UBE2K: variants seen among roughly 807,000 people sequenced by gnomAD.
The protein encoded by UBE2K is ubiquitin conjugating enzyme E2 K, also known as ubiquitin-conjugating enzyme E2 K.
A neutral mutation model predicts 30.0 loss-of-function variants in UBE2K; 6 were observed. The observed-to-expected ratio is 0.20, with a 90% CI of 0.11 to 0.39. The LOEUF (loss-of-function observed/expected upper bound fraction) is 0.39, where lower values mean the gene tolerates loss of function less well. Ranked by LOEUF, UBE2K falls within the 10% of genes least tolerant of loss-of-function variation. The pLI is 1.00. For synonymous variants in UBE2K, 86 were observed against 83.7 expected (o/e 1.03, Z -0.15); for missense variants, 61 against 241.6 (o/e 0.25, Z 4.96).
chr4:39,771,384 A>G (rs1712819845), intron 4 of UBE2K: 1 of 1,612,434 alleles, frequency 6.2e-7, no homozygotes, highest in South Asian at 1.1e-5. Flanking sequence ...TCCGTAGCGT[A>G]GCGGCCTAGT....
intron 1 of UBE2K, among the ~76,000 whole-genome samples, chr4:39,731,655 C>G (rs1031774141): frequency 6.7e-6 from 1 of 150,290 alleles, no homozygotes; most frequent in African/African-American, 2.5e-5. Context: ...GACTCCATCT[C>G]AAAAAAATAA....
chr4:39,711,993 AT>A (rs1056418642), intron 1 of UBE2K, among the ~76,000 whole-genome samples: 2 of 151,332 alleles, frequency 1.3e-5, no homozygotes, highest in African/African-American at 4.9e-5. Context: ...TTAAGCCGAG[AT>A]TGCGCCATTG....
intron 4 of UBE2K, among the ~76,000 whole-genome samples, chr4:39,773,308 A>G (rs999274889): frequency 9.9e-5 from 15 of 151,402 alleles, no homozygotes; most frequent in Non-Finnish European, 2.2e-4. Context: ...TTCTACTAAA[A>G]CTACAAAAAA....
chr4:39,749,555 T>TGTA (rs1272026511), intron 3 of UBE2K, among the ~76,000 whole-genome samples: 1 of 152,146 alleles, frequency 6.6e-6, no homozygotes, highest in African/African-American at 2.4e-5. Context: ...GGCATGCGCC[T>TGTA]GTAGTCTCAG....
At chr4:39,703,438 A>G (rs958200072) in intron 1 of UBE2K, among the ~76,000 whole-genome samples, 1 of 152,072 alleles carries the variant, frequency 6.6e-6, no homozygotes, top group Non-Finnish European at 1.5e-5. Context: ...GCTTGAGCCC[A>G]TGAGGTCAAG....
At chr4:39,708,199 C>T (rs987039051) in intron 1 of UBE2K, among the ~76,000 whole-genome samples, 3 of 151,946 alleles carry the variant, frequency 2.0e-5, no homozygotes, top group Admixed American at 2.0e-4. Flanking sequence ...CGCGCCTGGC[C>T]GAGATTCTTA....
At chr4:39,743,015 C>T (rs1050739450) in intron 2 of UBE2K, among the ~76,000 whole-genome samples, 1 of 151,000 alleles carries the variant, frequency 6.6e-6, no homozygotes, top group Non-Finnish European at 1.5e-5. Context: ...CTCTGCACTC[C>T]AGCCTGGGCA....
rs950224651 is a variant in UBE2K at position 39,698,154 on chromosome 4, C to T, written c.-174C>T. ...ACCCGGCGCCATTTTGGTGGCCGGG[C>T]GCGGAGGTGATTCCACACTGAGGCG... is the stretch of plus-strand genomic sequence containing the variant. On this transcript the variant is annotated 5_prime_UTR_variant, in exon 1 of 7. Transcript: ENST00000261427. 5 of 672,284 alleles carry T rather than the reference C, an allele frequency of 7.4e-6. No individual in the cohort carries two copies. Among genetic ancestry groups the T allele is most frequent in the African/African-American group, 7.1e-5 (4 of 56,172 alleles). 41.6% of individuals were successfully genotyped at this position (672,284 alleles called of 1,614,324 possible). A position where few individuals can be genotyped will look rare whatever the true frequency, so the allele number is the denominator to read the frequency against.
chr4:39,766,171 CTGTGTGTGTTTTTGTT>C (rs1712323397), intron 4 of UBE2K, among the ~76,000 whole-genome samples: 1 of 149,886 alleles, frequency 6.7e-6, no homozygotes, highest in Non-Finnish European at 1.5e-5. Context: ...GTGTTTTTGT[CTGTGTGTGTTTTTGTT>C]TTTTGTTTTT....
intron 4 of UBE2K, chr4:39,771,436 T>G: frequency 1.3e-6 from 2 of 1,591,836 alleles, no homozygotes; most frequent in Non-Finnish European, 1.7e-6. Flanking sequence ...CCAGAGGCCA[T>G]TGTGGCGGGG....
chr4:39,703,326 A>G (rs1291271777), intron 1 of UBE2K, among the ~76,000 whole-genome samples: 1 of 151,986 alleles, frequency 6.6e-6, no homozygotes, highest in Non-Finnish European at 1.5e-5. Context: ...AGCCTGGGCA[A>G]CATAGTGAGA....
Position 39,782,035 on chromosome 4 carries a change from TG to T in UBE2K, c.*3602del, listed in dbSNP as rs1713643468. ...CTGCTGCAATATAGATCAAAGATCTTGTGGCATAGGGGTAGGGGAGTGTTAG... is the reference window on the plus strand; with the variant it reads ...CTGCTGCAATATAGATCAAAGATCTTTGGCATAGGGGTAGGGGAGTGTTAG... On this transcript the variant is annotated 3_prime_UTR_variant, in exon 7 of 7. Transcript: ENST00000261427. 5.0e-6 allele frequency: 2 copies of T among 398,206 alleles called. No homozygotes were observed. Among genetic ancestry groups the T allele is most frequent in the Non-Finnish European group, 8.9e-6 (2 of 225,722 alleles). 24.7% of individuals were successfully genotyped at this position (398,206 alleles called of 1,614,324 possible). A position where few individuals can be genotyped will look rare whatever the true frequency, so the allele number is the denominator to read the frequency against.
chr4:39,738,496 T>G (rs1720498499), intron 2 of UBE2K, among the ~76,000 whole-genome samples: 1 of 152,182 alleles, frequency 6.6e-6, no homozygotes, highest in Admixed American at 6.6e-5. Context: ...TTTTGTTTTA[T>G]CTATTTTTTT....
In UBE2K at chr4:39,769,988, C is replaced by T. The variant is rs534443157; in HGVS notation, c.300-4846C>T. 9.7e-5 allele frequency: 98 copies of T among 1,006,634 alleles called. No individual in the cohort carries two copies. The African/African-American group carries it at 1.4e-3, about 15-fold the overall frequency. 62.4% of individuals were successfully genotyped at this position (1,006,634 alleles called of 1,614,324 possible). Reference sequence around the variant, plus strand: ...AGCCTCCCACTCTTACCTTTCTGCCCCAGACCCCCCACCCACCAATTCTCC... The same window carrying T: ...AGCCTCCCACTCTTACCTTTCTGCCTCAGACCCCCCACCCACCAATTCTCC... On this transcript the variant is annotated intron_variant, in intron 4 of 6. Transcript: ENST00000261427.
chr4:39,753,941 C>T (rs1032632474), intron 3 of UBE2K, among the ~76,000 whole-genome samples: 1 of 152,008 alleles, frequency 6.6e-6, no homozygotes, highest in African/African-American at 2.4e-5. Context: ...GCCAACATGG[C>T]GAAACCCCAT....
At chr4:39,771,681 A>ACGGCGT (rs1405364141) in intron 4 of UBE2K, among the ~76,000 whole-genome samples, 8 of 152,154 alleles carry the variant, frequency 5.3e-5, no homozygotes, top group South Asian at 4.2e-4. Context: ...GCGCGCGGCG[A>ACGGCGT]CGGCGTCGGC....
At position 39,770,077 on chromosome 4, in the gene UBE2K, G is replaced by A. The variant is rs141721706; in HGVS notation, c.300-4757G>A. The stretch of plus-strand genomic sequence containing the variant: ...CCAGCCTCCGGGCCTCCACGCCTGC[G>A]CGGCTAGCGGATGAGGACATTAATC... On this transcript the variant is annotated intron_variant, in intron 4 of 6. Coordinates refer to ENST00000261427, the MANE Select transcript of UBE2K (RefSeq NM_005339.5). The A allele has an allele frequency of 1.1e-4, 167 of 1,538,422 alleles. No individual in the cohort carries two copies. The African/African-American group carries it at 2.1e-3, about 20-fold the overall frequency.
intron 4 of UBE2K, among the ~76,000 whole-genome samples, chr4:39,758,931 T>G (rs955574346): frequency 3.9e-5 from 6 of 152,188 alleles, no homozygotes. Flanking sequence ...AGGTGAATAA[T>G]CTTGTTTTTT....
intron 1 of UBE2K, 84 bp downstream of exon 1, chr4:39,698,474 TC>T (rs1231581292): frequency 7.7e-5 from 103 of 1,334,748 alleles, no homozygotes; most frequent in Non-Finnish European, 1.1e-4. Flanking sequence ...TCCCCGGTAG[TC>T]CCTGGGTGGT....
Sources: allele counts gnomAD v4.1 joint callset (sites outside exome capture counted in the v4.1 genomes callset), GRCh38; gene constraint gnomAD v4.1.1; transcripts MANE v1.5; gene names NCBI Gene and HGNC (gene_info 2026-07-23, HGNC 2026-07-21).